The following MYO3B variants were observed in gnomAD, a reference collection of about 807,000 sequenced individuals.
The protein encoded by MYO3B is myosin IIIB.
MYO3B carries 156 observed loss-of-function variants against 174.6 expected under a neutral mutation model. That is an observed-to-expected ratio of 0.89 (90% CI 0.78 to 1.02). The LOEUF is 1.02. Among genes scored for constraint, MYO3B ranks in the 50% least tolerant of loss-of-function variants. The probability of loss-of-function intolerance (pLI) is 0.00; values close to 1 mark genes in which losing one functional copy is unlikely to be tolerated. For missense variants in MYO3B, 1,632 were observed against 1,639.4 expected (o/e 1.00, Z 0.08); for synonymous variants, 563 against 569.1 (o/e 0.99, Z 0.15).
At chr2:170,479,495 AAT>A (rs932866215) in intron 25 of MYO3B, among the ~76,000 whole-genome samples, 9 of 145,716 alleles carry the variant, frequency 6.2e-5, no homozygotes, top group Non-Finnish European at 1.2e-4. Flanking sequence ...CCTATATATA[AAT>A]ATATGTTTTA....
intron 30 of MYO3B, among the ~76,000 whole-genome samples, chr2:170,534,417 A>G (rs977880468): frequency 1.3e-5 from 2 of 152,170 alleles, no homozygotes; most frequent in Non-Finnish European, 1.5e-5. Context: ...GTTAGTCTGG[A>G]GTTCAAATTC....
chr2:170,504,540 C>T (rs559177726), intron 28 of MYO3B, among the ~76,000 whole-genome samples: 2 of 152,312 alleles, frequency 1.3e-5, no homozygotes, highest in East Asian at 3.9e-4. Flanking sequence ...AAACAAGATG[C>T]CTTTTCATGC....
chr2:170,508,539 A>C (rs1202015060), intron 28 of MYO3B, among the ~76,000 whole-genome samples: 3 of 152,240 alleles, frequency 2.0e-5, no homozygotes, highest in Non-Finnish European at 4.4e-5. Context: ...TAACAGAGGA[A>C]CCAGGAGCAC....
intron 1 of MYO3B, among the ~76,000 whole-genome samples, chr2:170,183,134 G>A (rs1357816012): frequency 1.3e-5 from 2 of 152,000 alleles, no homozygotes; most frequent in Non-Finnish European, 2.9e-5. Flanking sequence ...GCATGCACCT[G>A]TAATCCCAGT....
chr2:170,564,647 A>G (rs565972102), intron 32 of MYO3B, among the ~76,000 whole-genome samples: 1 of 152,284 alleles, frequency 6.6e-6, no homozygotes, highest in South Asian at 2.1e-4. Context: ...ATACAAAAAT[A>G]TTTGCAATAT....
intron 30 of MYO3B, among the ~76,000 whole-genome samples, chr2:170,540,971 C>A (rs1040089465): frequency 3.3e-5 from 5 of 152,084 alleles, no homozygotes; most frequent in Non-Finnish European, 7.4e-5. Context: ...AATTTATTTG[C>A]CTGTAGACAC....
At chr2:170,551,188 C>G (rs1429201858) in intron 32 of MYO3B, among the ~76,000 whole-genome samples, 1 of 152,056 alleles carries the variant, frequency 6.6e-6, no homozygotes. Flanking sequence ...GCATGAGCCA[C>G]CACACCCAGC....
At chr2:170,191,364 G>A (rs906456490) in intron 1 of MYO3B, among the ~76,000 whole-genome samples, 9 of 152,088 alleles carry the variant, frequency 5.9e-5, no homozygotes, top group Non-Finnish European at 1.2e-4. Context: ...TACCCATCAA[G>A]TCCACTGGCT....
intron 7 of MYO3B, among the ~76,000 whole-genome samples, chr2:170,236,626 C>G (rs777811272): frequency 1.3e-5 from 2 of 152,072 alleles, no homozygotes; most frequent in East Asian, 3.8e-4. Flanking sequence ...GAAAATTGTG[C>G]GGAAAGAGGT....
chr2:170,582,337 G>A (rs560022764), intron 32 of MYO3B, among the ~76,000 whole-genome samples: 5 of 152,316 alleles, frequency 3.3e-5, no homozygotes, highest in African/African-American at 1.2e-4. Flanking sequence ...GACAATAAAG[G>A]CTTCGTGGCA....
intron 28 of MYO3B, among the ~76,000 whole-genome samples, chr2:170,503,735 A>T (rs142755700): frequency 1.7e-4 from 26 of 152,012 alleles, no homozygotes; most frequent in Non-Finnish European, 3.4e-4. Context: ...GATGTTGGGA[A>T]CTTCCATTAA....
intron 8 of MYO3B, among the ~76,000 whole-genome samples, chr2:170,336,391 CA>C (rs2093947494): frequency 6.6e-6 from 1 of 152,110 alleles, no homozygotes; most frequent in African/African-American, 2.4e-5. Context: ...TTAGCTTTCA[CA>C]AAGAAGCCAG....
chr2:170,247,380 T>G (rs2093203098), intron 7 of MYO3B, among the ~76,000 whole-genome samples: 1 of 152,110 alleles, frequency 6.6e-6, no homozygotes, highest in African/African-American at 2.4e-5. Context: ...ACCATCTGCT[T>G]CTTATGTCTC....
intron 7 of MYO3B, among the ~76,000 whole-genome samples, chr2:170,290,154 G>A (rs1273649415): frequency 6.6e-6 from 1 of 152,054 alleles, no homozygotes; most frequent in East Asian, 1.9e-4. Flanking sequence ...TGTCCTGTGT[G>A]CTGATAAAAA....
intron 28 of MYO3B, among the ~76,000 whole-genome samples, chr2:170,502,656 C>G (rs962141733): frequency 6.6e-6 from 1 of 152,116 alleles, no homozygotes; most frequent in Non-Finnish European, 1.5e-5. Context: ...TATTCCTACT[C>G]GAGGCTCTGG....
chr2:170,485,822 G>A (rs1221091730), intron 25 of MYO3B, among the ~76,000 whole-genome samples: 1 of 152,190 alleles, frequency 6.6e-6, no homozygotes, highest in Admixed American at 6.5e-5. Context: ...ATACTTGGGA[G>A]CCAGTTTCTT....
intron 16 of MYO3B, among the ~76,000 whole-genome samples, chr2:170,396,672 T>C (rs1378860417): frequency 6.6e-6 from 1 of 152,168 alleles, no homozygotes; most frequent in Non-Finnish European, 1.5e-5. Context: ...GGCACTATGC[T>C]GAAGAGGGTA....
intron 7 of MYO3B, among the ~76,000 whole-genome samples, chr2:170,319,073 C>T (rs2093796619): frequency 1.3e-5 from 2 of 152,166 alleles, no homozygotes; most frequent in Admixed American, 1.3e-4. Flanking sequence ...GACCAAACTC[C>T]TACATCAGCA....
intron 7 of MYO3B, among the ~76,000 whole-genome samples, chr2:170,237,280 C>A (rs567062324): frequency 7.1e-4 from 108 of 152,204 alleles, no homozygotes; most frequent in Middle Eastern, 6.8e-3. Context: ...GAAATGGTGT[C>A]TGGAATGATT....
Sources: gnomAD v4.1 joint callset for allele counts (sites outside exome capture counted in the v4.1 genomes callset) on GRCh38, gnomAD v4.1.1 for gene constraint, MANE v1.5 for transcripts, NCBI Gene and HGNC (gene_info 2026-07-23, HGNC 2026-07-21) for gene names.